The following ACO1 variants were observed in gnomAD, a reference collection of about 807,000 sequenced individuals.
ACO1 encodes the protein aconitase 1, also known as cytoplasmic aconitate hydratase.
In ACO1, 78 loss-of-function variants were observed where a neutral mutation model predicts 105.1. The ratio of observed to expected loss-of-function variants is 0.74; its 90% CI spans 0.62 to 0.90. The LOEUF is 0.90. ACO1 is among the 40% of genes least tolerant of loss of function. The pLI is 0.00. For synonymous variants in ACO1, 364 were observed against 397.4 expected, an observed-to-expected ratio of 0.92 and a Z score of 1.00; for missense variants, 965 against 1,111.1, an observed-to-expected ratio of 0.87 and a Z score of 1.87.
chr9:32,429,525 G>A (rs764875902), intron 13 of ACO1, 22 bp downstream of exon 13: 1 of 1,591,716 alleles, frequency 6.3e-7, no homozygotes, highest in Non-Finnish European at 8.6e-7. Context: ...GGTCCCTGCA[G>A]GTCTTCAGAG....
rs530593945 is a variant in ACO1 at position 32,445,677 on chromosome 9, G to C, written c.2371-3219G>C. On this transcript the variant is annotated intron_variant, in intron 19 of 20. Transcript: ENST00000309951. ...CTAGCTTTTGAGTTTGTTTGCTCTT[G>C]CTTCTCTAGTTCTTTTAACTGTGAT... 149 of 237,506 alleles carry C rather than the reference G, an allele frequency of 6.3e-4. 4 individuals are homozygous for C. The highest frequency in any genetic ancestry group is 5.4e-3 in the South Asian group (148 of 27,238). 14.7% of individuals were successfully genotyped at this position (237,506 alleles called of 1,614,324 possible).
At chr9:32,434,732 G>A (rs1282294541) in intron 17 of ACO1, 31 bp downstream of exon 17, 2 of 1,608,010 alleles carry the variant, frequency 1.2e-6, no homozygotes, top group Non-Finnish European at 1.7e-6. Context: ...AAGGACTAAA[G>A]GCAAAAATGG....
chr9:32,424,873 T>C (rs1389570629), intron 10 of ACO1, among the ~76,000 whole-genome samples: 1 of 152,090 alleles, frequency 6.6e-6, no homozygotes, highest in Non-Finnish European at 1.5e-5. Flanking sequence ...TCAACCCACC[T>C]TTTTAAGCAT....
At chr9:32,394,426 A>G (rs1242611815) in intron 1 of ACO1, among the ~76,000 whole-genome samples, 1 of 152,190 alleles carries the variant, frequency 6.6e-6, no homozygotes, top group African/African-American at 2.4e-5. Flanking sequence ...CCTTCATCCC[A>G]GGTCTGTAAA....
At chr9:32,435,232 C>T (rs571644035) in intron 17 of ACO1, among the ~76,000 whole-genome samples, 25 of 152,266 alleles carry the variant, frequency 1.6e-4, no homozygotes, top group Non-Finnish European at 3.2e-4. Flanking sequence ...ACGAGAATCA[C>T]GTGAGGACAT....
chr9:32,425,152 C>A (rs775495008), intron 10 of ACO1, among the ~76,000 whole-genome samples: 2 of 152,194 alleles, frequency 1.3e-5, no homozygotes, highest in African/African-American at 4.8e-5. Context: ...CTTTAACTTA[C>A]ATTGTTGGTA....
chr9:32,404,461 A>C (rs1821562399), intron 1 of ACO1, among the ~76,000 whole-genome samples: 1 of 152,170 alleles, frequency 6.6e-6, no homozygotes, highest in African/African-American at 2.4e-5. Context: ...GTTTAGAAAA[A>C]ATTAGTTGCC....
In ACO1 at chr9:32,449,997, G is replaced by A; in HGVS notation, c.2557-1G>A. On this transcript the variant is annotated splice_acceptor_variant, in intron 20 of 20. Coordinates refer to ENST00000309951, the MANE Select transcript of ACO1 (RefSeq NM_002197.3). LOFTEE classifies it high-confidence loss of function. ...GATGCTTCTGTTTCTTTGTGCCACA[G>A]CTGGATACTGGCAAGACCTTCCAGG... The A allele has an allele frequency of 6.2e-7, 1 of 1,613,238 alleles. No individual in the cohort carries two copies. Among genetic ancestry groups the A allele is most frequent in the Non-Finnish European group, 8.5e-7 (1 of 1,179,298 alleles).
At chr9:32,402,994 C>G (rs527402700) in intron 1 of ACO1, among the ~76,000 whole-genome samples, 69 of 152,164 alleles carry the variant, frequency 4.5e-4, no homozygotes, top group Admixed American at 4.1e-3. Context: ...GGTCTTGGGG[C>G]CCCCTGGAAA....
rs1330247899 is a variant in ACO1, at chr9:32,451,255, TCAAAGTTG to T, written c.*1145_*1152del. The T allele has an allele frequency of 6.6e-6, 1 of 152,166 alleles. No individual in the cohort carries two copies. The highest frequency in any genetic ancestry group is 1.5e-5 in the Non-Finnish European group (1 of 68,054). The allele number at this position is 152,166 out of a possible 1,614,324, so 9.4% of individuals were successfully genotyped here. On this transcript the variant is annotated 3_prime_UTR_variant, in exon 21 of 21. Transcript: ENST00000309951. ...AGTTATGGAGGCTGGAATTCTGAGA[TCAAAGTTG>T]AAGCCACTTCATTTTCTGGTGAGGA...
Position 32,454,749 on chromosome 9 carries a change from A to C in ACO1, c.*4638A>C, listed in dbSNP as rs1822842372. 6.6e-6 allele frequency: 1 copy of C among 152,030 alleles called. No homozygotes were observed. Among genetic ancestry groups the C allele is most frequent in the Admixed American group, 6.5e-5 (1 of 15,274 alleles). 9.4% of individuals were successfully genotyped at this position (152,030 alleles called of 1,614,324 possible). A position where few individuals can be genotyped will look rare whatever the true frequency, so the allele number is the denominator to read the frequency against. ...CCATGCCTGGCAATGACATTATTCC[A>C]TTAAAAGTCAAACAAGGAAATGCTA... On this transcript the variant is annotated 3_prime_UTR_variant, in exon 21 of 21. Transcript: ENST00000309951.
chr9:32,454,642 T>A lies in ACO1; in HGVS notation c.*4531T>A, dbSNP rs1037540058. ...GCAATGACCAGCATTTGGGAGTCAG[T>A]CAAAAGATCCACTTCCTAAAAGCCT... On this transcript the variant is annotated 3_prime_UTR_variant, in exon 21 of 21. Transcript: ENST00000309951. 4 of 152,168 alleles carry A rather than the reference T, an allele frequency of 2.6e-5. No homozygotes were observed. Among genetic ancestry groups the A allele is most frequent in the Non-Finnish European group, 5.9e-5 (4 of 68,010 alleles). The allele number at this position is 152,168 out of a possible 1,614,324, so 9.4% of individuals were successfully genotyped here.
rs965681864 is a variant in ACO1 at position 32,424,612 on chromosome 9, A to G, written c.1135A>G (p.Lys379Glu). ...TAGTGGACCCAAAAGGCCTCAGGAC[A>G]AAGTTGCTGTGTCCGACATGAAAAA... Reference protein sequence around the residue: ...CCSGPKRPQDKVAVSDMKKDF... With the variant: ...CCSGPKRPQDEVAVSDMKKDF... Residue 379 changes from lysine to glutamate, a missense_variant, in exon 10 of 21, where the codon AAA becomes GAA. By Grantham distance (56) the Lys-to-Glu change is moderately conservative (BLOSUM62 1). Transcript: ENST00000309951. 6 of 1,614,054 alleles carry G rather than the reference A, an allele frequency of 3.7e-6. No individual in the cohort carries two copies. The African/African-American group carries it at 5.3e-5, about 14-fold the overall frequency.
chr9:32,421,794 GA>G (rs1832946191), intron 8 of ACO1, among the ~76,000 whole-genome samples: 1 of 152,184 alleles, frequency 6.6e-6, no homozygotes, highest in Admixed American at 6.5e-5. Flanking sequence ...ATGTGATAAT[GA>G]GAAAGAAAGG....
intron 4 of ACO1, among the ~76,000 whole-genome samples, chr9:32,411,355 T>C (rs1454196831): frequency 6.6e-6 from 1 of 152,204 alleles, no homozygotes; most frequent in Non-Finnish European, 1.5e-5. Flanking sequence ...GCAGTTCTTA[T>C]GAATGTTTAA....
At chr9:32,400,982 A>G (rs2118378652) in intron 1 of ACO1, among the ~76,000 whole-genome samples, 1 of 150,546 alleles carries the variant, frequency 6.6e-6, no homozygotes, top group East Asian at 2.0e-4. Context: ...AGATCCTAGT[A>G]TATACATATA....
chr9:32,390,180 C>G (rs144343620), intron 1 of ACO1, among the ~76,000 whole-genome samples: 2 of 152,182 alleles, frequency 1.3e-5, no homozygotes, highest in Admixed American at 6.5e-5. Flanking sequence ...TATAAATTAA[C>G]GAGAATCACT....
At chr9:32,427,582 C>G in intron 12 of ACO1, 146 bp downstream of exon 12, 2 of 1,186,676 alleles carry the variant, frequency 1.7e-6, no homozygotes, top group Non-Finnish European at 2.4e-6. Context: ...GACTTAAACC[C>G]TTACATTCCA....
chr9:32,407,320 T>C lies in ACO1; in HGVS notation c.157T>C (p.Phe53Leu). 6.2e-7 allele frequency: 1 copy of C among 1,613,892 alleles called. No homozygotes were observed. Residue 53 changes from phenylalanine to leucine, a missense_variant, in exon 3 of 21, where the codon TTT becomes CTT. Phe to Leu is a conservative substitution (Grantham distance 22, BLOSUM62 0). Coordinates refer to ENST00000309951, the MANE Select transcript of ACO1 (RefSeq NM_002197.3). ...LEAAIRNCDE[F>L]LVKKQDIENI... ...AGCAGCCATTCGGAATTGTGATGAGTTTTTGGTGAAGAAACAGGATATTGA... is the reference window on the plus strand; with the variant it reads ...AGCAGCCATTCGGAATTGTGATGAGCTTTTGGTGAAGAAACAGGATATTGA...
Sources: allele counts gnomAD v4.1 joint callset (sites outside exome capture counted in the v4.1 genomes callset), GRCh38; gene constraint gnomAD v4.1.1; transcripts MANE v1.5; gene names NCBI Gene and HGNC (gene_info 2026-07-23, HGNC 2026-07-21).